Variants in ZNF337 observed in about 807,000 individuals in gnomAD.
The protein encoded by ZNF337 is zinc finger protein 337.
A neutral mutation model predicts 12.1 loss-of-function variants in ZNF337; 8 were observed. The observed-to-expected ratio is 0.66, with a 90% CI of 0.39 to 1.19. The LOEUF (loss-of-function observed/expected upper bound fraction) is 1.19. Ranked by LOEUF, ZNF337 falls within the 50% of genes most tolerant of loss-of-function variation. The pLI, the probability that ZNF337 is intolerant of heterozygous loss-of-function variation, is 0.01. For missense variants in ZNF337, 882 were observed against 896.6 expected, an observed-to-expected ratio of 0.98 and a Z score of 0.21; for synonymous variants, 336 against 320.0, an observed-to-expected ratio of 1.05 and a Z score of -0.53.
intron 1 of ZNF337, among the ~76,000 whole-genome samples, chr20:25,695,685 G>T (rs1233488427): frequency 2.6e-5 from 4 of 152,162 alleles, no homozygotes; most frequent in African/African-American, 9.7e-5. Context: ...GAGGCCACAG[G>T]CATGGGACAC....
At chr20:25,683,804 A>G (rs2065795729) in intron 4 of ZNF337, among the ~76,000 whole-genome samples, 1 of 152,200 alleles carries the variant, frequency 6.6e-6, no homozygotes, top group Non-Finnish European at 1.5e-5. Context: ...GCGATTCCTC[A>G]GGGATCTAGA....
intron 3 of ZNF337, among the ~76,000 whole-genome samples, 162 bp from the exon 4 acceptor site, chr20:25,685,824 A>C (rs1200298025): frequency 6.6e-6 from 1 of 152,230 alleles, no homozygotes; most frequent in Non-Finnish European, 1.5e-5. Context: ...GGGGAGCCCC[A>C]GTGTGGGGAA....
chr20:25,673,800 C>T lies in ZNF337; in HGVS notation c.*1232G>A, dbSNP rs530880786. 1 of 152,340 alleles carries T rather than the reference C, an allele frequency of 6.6e-6. No homozygotes were observed. The highest frequency in any genetic ancestry group is 1.5e-5 in the Non-Finnish European group (1 of 68,034). 9.4% of individuals were successfully genotyped at this position (152,340 alleles called of 1,614,324 possible). A position where few individuals can be genotyped will look rare whatever the true frequency, so the allele number is the denominator to read the frequency against. The stretch of plus-strand genomic sequence containing the variant: ...AAGTCTTCAATTTCTCAAGGTCCTT[C>T]TGCAGGTGGTAATGCAGATCGGCGA... On this transcript the variant is annotated 3_prime_UTR_variant, in exon 5 of 5. Transcript: ENST00000252979.
chr20:25,691,239 A>G (rs575711069), intron 1 of ZNF337, among the ~76,000 whole-genome samples: 1 of 152,316 alleles, frequency 6.6e-6, no homozygotes, highest in Non-Finnish European at 1.5e-5. Context: ...CAGTAAACAT[A>G]AAGAGAAGAA....
At chr20:25,690,065 C>T (rs890356887) in intron 1 of ZNF337, among the ~76,000 whole-genome samples, 1 of 152,146 alleles carries the variant, frequency 6.6e-6, no homozygotes, top group Non-Finnish European at 1.5e-5. Context: ...GCATGTGGAT[C>T]GCTTGATCCC....
chr20:25,674,920 T>C lies in ZNF337; in HGVS notation c.*112A>G, dbSNP rs2065657990. On this transcript the variant is annotated 3_prime_UTR_variant, in exon 5 of 5. Transcript: ENST00000252979. The stretch of plus-strand genomic sequence containing the variant: ...AGGTTCTCTGTAGCCCTCTGGATTC[T>C]GTCTGCCTCTGTTATATCTTCACGA... The C allele has an allele frequency of 6.3e-6, 6 of 958,598 alleles. No homozygotes were observed. Among genetic ancestry groups the C allele is most frequent in the Non-Finnish European group, 9.3e-6 (6 of 645,696 alleles). The allele number at this position is 958,598 out of a possible 1,614,324, so 59.4% of individuals were successfully genotyped here.
At position 25,675,835 on chromosome 20, in the gene ZNF337, CCT is replaced by C. The variant is rs779072326; in HGVS notation, c.1451_1452del (p.Glu484GlyfsTer16). On this transcript the variant is annotated frameshift_variant, in exon 5 of 5. Transcript: ENST00000252979. LOFTEE classifies it low-confidence loss of function (END_TRUNC). ...TFTLHQRTHS[E>X]EKPYGCRECG... ...CACTCCCGACATCCATAAGGCTTCT[CCT>C]CTGAGTGTGTCCTCTGGTGTAAAGT... 6.2e-7 allele frequency: 1 copy of C among 1,614,152 alleles called. No individual in the cohort carries two copies. The highest frequency in any genetic ancestry group is 1.1e-5 in the South Asian group (1 of 91,086).
Position 25,674,308 on chromosome 20 carries a change from G to A in ZNF337, c.*724C>T, listed in dbSNP as rs559843716. 2.6e-5 allele frequency: 4 copies of A among 152,308 alleles called. No homozygotes were observed. Among genetic ancestry groups the A allele is most frequent in the African/African-American group, 7.2e-5 (3 of 41,556 alleles). 9.4% of individuals were successfully genotyped at this position (152,308 alleles called of 1,614,324 possible). On this transcript the variant is annotated 3_prime_UTR_variant, in exon 5 of 5. Coordinates refer to ENST00000252979, the MANE Select transcript of ZNF337 (RefSeq NM_015655.4). ...GTGCAGTTGTCTGTTGAGGGCTCAT[G>A]TCTGTTTCCAAGATGATGCCTTCAT...
At chr20:25,680,014 AATCATT>A (rs1286143370) in intron 4 of ZNF337, among the ~76,000 whole-genome samples, 1 of 152,164 alleles carries the variant, frequency 6.6e-6, no homozygotes, top group Non-Finnish European at 1.5e-5. Flanking sequence ...GTATCATTAG[AATCATT>A]ATCATTAACT....
At chr20:25,681,111 T>C (rs77270677) in intron 4 of ZNF337, 3 of 152,182 alleles carry the variant, frequency 2.0e-5, no homozygotes, top group African/African-American at 7.2e-5. Context: ...GGTGAGCCCA[T>C]GAGAGGACAC....
At chr20:25,679,467 A>C (rs771919567) in intron 4 of ZNF337, among the ~76,000 whole-genome samples, 37 of 152,016 alleles carry the variant, frequency 2.4e-4, no homozygotes, top group Non-Finnish European at 5.1e-4. Context: ...GAAGTCAAAA[A>C]ACAACAACAA....
Position 25,677,013 on chromosome 20 carries a change from C to T in ZNF337, c.275G>A (p.Arg92Gln), listed in dbSNP as rs182272160. The part of the protein sequence containing the change: ...CAGIYAEHVL[R>Q]PKNLGLAHQR... Reference sequence around the variant, plus strand: ...ATGTGCAAGTCCAAGATTCTTGGGCCGCAGGACATGTTCTGCATATATTCC... The same window carrying T: ...ATGTGCAAGTCCAAGATTCTTGGGCTGCAGGACATGTTCTGCATATATTCC... The change falls in exon 5 of 5, where the codon CGG becomes CAG. Residue 92 changes from arginine (R) to glutamine (Q), a missense_variant. Transcript: ENST00000252979. 92 of 1,611,884 alleles carry T rather than the reference C, an allele frequency of 5.7e-5. No homozygotes were observed. The Middle Eastern group carries it at 8.3e-4, about 14-fold the overall frequency.
At chr20:25,696,145 C>T (rs1191591848) in intron 1 of ZNF337, among the ~76,000 whole-genome samples, 3 of 142,548 alleles carry the variant, frequency 2.1e-5, no homozygotes, top group Non-Finnish European at 1.5e-5. Flanking sequence ...CATTTGGTCC[C>T]GGCCTACACT....
Position 25,675,372 on chromosome 20 carries a change from C to T in ZNF337, c.1916G>A (p.Trp639Ter), listed in dbSNP as rs2065667975. The part of the protein sequence containing the change: ...VCKECGRGFN[W>*]KGNLLTHQRT... Reference sequence around the variant, plus strand: ...CTGGTGTGTGAGGAGATTTCCCTTCCAGTTGAAGCCTCGCCCACACTCCTT... The same window carrying T: ...CTGGTGTGTGAGGAGATTTCCCTTCTAGTTGAAGCCTCGCCCACACTCCTT... Residue 639 changes from tryptophan (W) to a stop codon, truncating the protein, a stop_gained, in exon 5 of 5, where the codon TGG becomes TAG. Coordinates refer to ENST00000252979, the MANE Select transcript of ZNF337 (RefSeq NM_015655.4). LOFTEE classifies it low-confidence loss of function (END_TRUNC). 1 of 1,607,422 alleles carries T rather than the reference C, an allele frequency of 6.2e-7. No homozygotes were observed. Among genetic ancestry groups the T allele is most frequent in the Non-Finnish European group, 8.5e-7 (1 of 1,177,526 alleles).
intron 1 of ZNF337, among the ~76,000 whole-genome samples, 160 bp downstream of exon 1, chr20:25,696,599 C>T (rs966370739): frequency 6.6e-6 from 1 of 152,240 alleles, no homozygotes; most frequent in African/African-American, 2.4e-5. Context: ...CTTCAAGGCG[C>T]GGCCTGGGTC....
chr20:25,694,000 C>T (rs2065901366), intron 1 of ZNF337, among the ~76,000 whole-genome samples: 1 of 152,120 alleles, frequency 6.6e-6, no homozygotes, highest in Non-Finnish European at 1.5e-5. Context: ...GAAAACTTTA[C>T]GCAGGTTCCT....
At chr20:25,683,869 A>C (rs1269378009) in intron 4 of ZNF337, among the ~76,000 whole-genome samples, 2 of 152,098 alleles carry the variant, frequency 1.3e-5, no homozygotes, top group African/African-American at 4.8e-5. Flanking sequence ...ACCCAAAGGA[A>C]TATAAATCAT....
Position 25,674,820 on chromosome 20 carries a change from C to T in ZNF337, c.*212G>A. The T allele has an allele frequency of 1.7e-6, 1 of 586,138 alleles. No homozygotes were observed. The highest frequency in any genetic ancestry group is 3.0e-6 in the Non-Finnish European group (1 of 331,370). The allele number at this position is 586,138 out of a possible 1,614,324, so 36.3% of individuals were successfully genotyped here. ...CCCAATAGCCCAGGTAATGCCCTCC[C>T]CTCAACTGGCATCTCTGTTCCCTAA... On this transcript the variant is annotated 3_prime_UTR_variant, in exon 5 of 5. Transcript: ENST00000252979.
At chr20:25,677,185 T>C (rs2065709800) in intron 4 of ZNF337, 148 bp from the exon 5 acceptor site, 2 of 715,884 alleles carry the variant, frequency 2.8e-6, no homozygotes, top group African/African-American at 3.6e-5. Flanking sequence ...TTCCAAAAAA[T>C]TGAAGCAGGG....
Sources: allele counts gnomAD v4.1 joint callset (sites outside exome capture counted in the v4.1 genomes callset), GRCh38; gene constraint gnomAD v4.1.1; transcripts MANE v1.5; gene names NCBI Gene and HGNC (gene_info 2026-07-23, HGNC 2026-07-21).